Variants in PLXNA4 observed in about 807,000 individuals in gnomAD.
PLXNA4 encodes the protein plexin A4, also known as plexin-A4.
PLXNA4 carries 44 observed loss-of-function variants against 191.8 expected under a neutral mutation model. That is an observed-to-expected ratio of 0.23 (90% CI 0.18 to 0.29). PLXNA4 has a LOEUF of 0.29. PLXNA4 is among the 10% of genes least tolerant of loss of function. The pLI is 1.00. For synonymous variants in PLXNA4, 1,082 were observed against 1,009.5 expected (o/e 1.07, Z -1.36); for missense variants, 1,800 against 2,488.8 (o/e 0.72, Z 5.89).
intron 1 of PLXNA4, among the ~76,000 whole-genome samples, chr7:132,543,008 TC>T (rs1800148205): frequency 6.6e-6 from 1 of 152,228 alleles, no homozygotes; most frequent in Admixed American, 6.5e-5. Context: ...TTCTGCTGGT[TC>T]TCGGTCATGT....
At chr7:132,498,846 T>C (rs1027359037) in intron 2 of PLXNA4, among the ~76,000 whole-genome samples, 1 of 152,160 alleles carries the variant, frequency 6.6e-6, no homozygotes, top group African/African-American at 2.4e-5. Flanking sequence ...TTGATGCAAA[T>C]ATTCATTAAA....
intron 3 of PLXNA4, among the ~76,000 whole-genome samples, chr7:132,361,353 G>A (rs867159727): frequency 6.6e-6 from 1 of 152,094 alleles, no homozygotes; most frequent in African/African-American, 2.4e-5. Context: ...TAGGTACCTC[G>A]TGGGCTACAG....
intron 4 of PLXNA4, among the ~76,000 whole-genome samples, chr7:132,247,625 A>T (rs1799104475): frequency 6.6e-6 from 1 of 152,056 alleles, no homozygotes; most frequent in Non-Finnish European, 1.5e-5. Flanking sequence ...GGTCTTGGGG[A>T]GCTCCTCAAA....
At chr7:132,515,455 C>A (rs1232336995) in intron 1 of PLXNA4, among the ~76,000 whole-genome samples, 8 of 152,164 alleles carry the variant, frequency 5.3e-5, no homozygotes, top group Admixed American at 5.2e-4. Flanking sequence ...AGGATCCTAA[C>A]CTATACACAG....
chr7:132,640,714 C>T (rs180884839), intron 2 of PLXNA4, among the ~76,000 whole-genome samples: 10 of 151,772 alleles, frequency 6.6e-5, no homozygotes, highest in African/African-American at 2.2e-4. Context: ...ACCAATACAC[C>T]ATGTTTCATC....
chr7:132,408,685 C>G (rs988610663), intron 3 of PLXNA4, among the ~76,000 whole-genome samples: 22 of 152,044 alleles, frequency 1.4e-4, no homozygotes, highest in African/African-American at 5.3e-4. Context: ...AGGCTGGTCT[C>G]GAACTCCTGA....
Position 132,543,727 on chromosome 7 carries a change from C to T in PLXNA4, c.-87+32695G>A, listed in dbSNP as rs893910864. Reference sequence around the variant, plus strand: ...CTAAAAAGGAAGGATCTTTAATAAGCGATGGGGAGCCATTGAAGATTCTCA... The same window carrying T: ...CTAAAAAGGAAGGATCTTTAATAAGTGATGGGGAGCCATTGAAGATTCTCA... On this transcript the variant is annotated intron_variant, in intron 1 of 31. Coordinates refer to ENST00000321063, the MANE Select transcript of PLXNA4 (RefSeq NM_020911.2). Among the ~76,000 whole-genome samples, 10 of 152,192 alleles carry T rather than the reference C, an allele frequency of 6.6e-5. No homozygotes were observed. In the East Asian group the frequency reaches 7.7e-4, roughly 12 times the overall value.
At chr7:132,320,738 T>A (rs1802127531) in intron 3 of PLXNA4, among the ~76,000 whole-genome samples, 1 of 152,102 alleles carries the variant, frequency 6.6e-6, no homozygotes. Flanking sequence ...CTGAGTGCAG[T>A]GGTTCTCAGA....
intron 2 of PLXNA4, 133 bp downstream of exon 2, chr7:132,507,373 T>C (rs1798507738): frequency 1.0e-6 from 1 of 993,376 alleles, no homozygotes; most frequent in Non-Finnish European, 1.4e-6. Flanking sequence ...CCAATGAGAC[T>C]CAGAGATGGG....
intron 3 of PLXNA4, among the ~76,000 whole-genome samples, chr7:132,482,567 A>C (rs1437283858): frequency 6.6e-6 from 1 of 152,190 alleles, no homozygotes; most frequent in Non-Finnish European, 1.5e-5. Context: ...CAGAAACTGT[A>C]TGTATGATAA....
intron 14 of PLXNA4, among the ~76,000 whole-genome samples, 188 bp from the exon 15 acceptor site, chr7:132,187,795 T>C (rs1796928897): frequency 6.6e-6 from 1 of 152,192 alleles, no homozygotes; most frequent in Admixed American, 6.5e-5. Context: ...CCTGAGAGTT[T>C]GCATGCCTAT....
At chr7:132,384,695 C>T in intron 3 of PLXNA4, 1 of 1,008,730 alleles carries the variant, frequency 9.9e-7, no homozygotes, top group Non-Finnish European at 1.2e-6. Flanking sequence ...CGGTGGGCTC[C>T]ATCCTCTCTG....
intron 3 of PLXNA4, among the ~76,000 whole-genome samples, chr7:132,375,360 A>G (rs768915903): frequency 6.7e-6 from 1 of 150,344 alleles, no homozygotes; most frequent in African/African-American, 2.4e-5. Context: ...CTTAGGATCC[A>G]GAAACCCGGT....
intron 3 of PLXNA4, among the ~76,000 whole-genome samples, chr7:132,341,974 G>T (rs925042270): frequency 2.0e-5 from 3 of 151,776 alleles, no homozygotes; most frequent in East Asian, 1.9e-4. Context: ...ACATGCTTTT[G>T]GGTGACACCA....
rs2116797928 is a variant in PLXNA4, at chr7:132,576,335, G to A, written c.-87+87C>T. 2 of 954,518 alleles carry A rather than the reference G, an allele frequency of 2.1e-6. No individual in the cohort carries two copies. Among genetic ancestry groups the A allele is most frequent in the Non-Finnish European group, 2.5e-6 (2 of 801,536 alleles). The allele number at this position is 954,518 out of a possible 1,614,324, so 59.1% of individuals were successfully genotyped here. A position where few individuals can be genotyped will look rare whatever the true frequency, so the allele number is the denominator to read the frequency against. ...TGCCGCGGGCTGGCTCCGGGACACT[G>A]AGGACTCCCGGGTCGGCCCAGGTCT... is the stretch of plus-strand genomic sequence containing the variant. On this transcript the variant is annotated intron_variant, in intron 1 of 31. Coordinates refer to ENST00000321063, the MANE Select transcript of PLXNA4 (RefSeq NM_020911.2). This position sits in a 1 kb window ranked among gnomAD's most constrained non-coding sequence, Gnocchi z 5.8.
intron 3 of PLXNA4, among the ~76,000 whole-genome samples, chr7:132,484,474 G>A (rs566786615): frequency 6.6e-6 from 1 of 152,198 alleles, no homozygotes; most frequent in Non-Finnish European, 1.5e-5. Flanking sequence ...CAAAACCAGG[G>A]ATGGAAAATG....
At chr7:132,647,076 C>T (rs948054387) in intron 1 of PLXNA4, among the ~76,000 whole-genome samples, 6 of 151,946 alleles carry the variant, frequency 3.9e-5, no homozygotes, top group African/African-American at 1.5e-4. Flanking sequence ...TGCTGTCATA[C>T]ATTCACAAAC....
At chr7:132,320,566 G>A (rs1022795187) in intron 3 of PLXNA4, among the ~76,000 whole-genome samples, 2 of 152,128 alleles carry the variant, frequency 1.3e-5, no homozygotes, top group African/African-American at 2.4e-5. Flanking sequence ...AACACCCCAC[G>A]AACCAAAGAT....
intron 3 of PLXNA4, among the ~76,000 whole-genome samples, chr7:132,436,229 C>T (rs150480068): frequency 5.8e-4 from 88 of 152,342 alleles, no homozygotes; most frequent in African/African-American, 2.0e-3. Flanking sequence ...CCCAAACACG[C>T]TGCAAATCAG....
Sources: gnomAD v4.1 joint callset for allele counts (sites outside exome capture counted in the v4.1 genomes callset) on GRCh38, gnomAD v4.1.1 for gene constraint, Gnocchi (gnomAD v3.1) non-coding constraint, MANE v1.5 for transcripts, NCBI Gene and HGNC (gene_info 2026-07-23, HGNC 2026-07-21) for gene names.